APOBEC3G: variants seen among roughly 807,000 people sequenced by gnomAD.
APOBEC3G encodes the protein DNA dC->dU-editing enzyme APOBEC-3G.
A neutral mutation model predicts 50.0 loss-of-function variants in APOBEC3G; 44 were observed. The observed-to-expected ratio is 0.88, with a 90% CI of 0.69 to 1.13. The LOEUF is 1.13. Ranked by LOEUF, APOBEC3G falls within the 50% of genes most tolerant of loss-of-function variation. The probability of loss-of-function intolerance (pLI) is 0.00; values close to 1 mark genes in which losing one functional copy is unlikely to be tolerated. For missense variants in APOBEC3G, 469 were observed against 492.0 expected (o/e 0.95, Z 0.44); for synonymous variants, 156 against 175.3 (o/e 0.89, Z 0.87).
intron 4 of APOBEC3G, 93 bp from the exon 5 acceptor site, chr22:39,083,638 G>T: frequency 1.4e-6 from 2 of 1,441,518 alleles, no homozygotes; most frequent in Admixed American, 1.8e-5. Context: ...AGGAAGGAGG[G>T]TGGGGTGCAA....
intron 1 of APOBEC3G, chr22:39,078,577 G>C (rs1928273915): frequency 5.0e-6 from 1 of 200,386 alleles, no homozygotes; most frequent in African/African-American, 2.4e-5. Context: ...GCAGCACTTA[G>C]AAGACTGGCC....
At chr22:39,081,654 C>T (rs1429528683) in intron 4 of APOBEC3G, 69 bp downstream of exon 4, 4 of 1,308,214 alleles carry the variant, frequency 3.1e-6, no homozygotes, top group South Asian at 2.5e-5. Flanking sequence ...GAGGCCTCCC[C>T]TCTGTTCCAG....
intron 1 of APOBEC3G, 151 bp downstream of exon 1, chr22:39,077,529 G>C (rs1249756395): frequency 1.3e-5 from 19 of 1,410,168 alleles, no homozygotes; most frequent in Non-Finnish European, 1.6e-5. Flanking sequence ...TCCCAGCCAG[G>C]CTCCTTGCCC....
Position 39,080,939 on chromosome 22 carries a change from T to TC in APOBEC3G, c.180dup (p.Glu61ArgfsTer3). Reference sequence around the variant, plus strand: ...GACCCTGCTCCTCTCCCAGGTGTATTCCGAACTTAAGTACCACCCAGAGAT... The same window carrying TC: ...GACCCTGCTCCTCTCCCAGGTGTATTCCCGAACTTAAGTACCACCCAGAGAT... On this transcript the variant is annotated frameshift_variant, in exon 3 of 8. Coordinates refer to ENST00000407997, the MANE Select transcript of APOBEC3G (RefSeq NM_021822.4). LOFTEE classifies it high-confidence loss of function. 1 of 1,613,170 alleles carries TC rather than the reference T, an allele frequency of 6.2e-7. No homozygotes were observed. The highest frequency in any genetic ancestry group is 1.1e-5 in the South Asian group (1 of 91,022).
chr22:39,085,047 A>G (rs1300437587), intron 5 of APOBEC3G, among the ~76,000 whole-genome samples: 1 of 152,198 alleles, frequency 6.6e-6, no homozygotes, highest in Admixed American at 6.5e-5. Context: ...GGACTCCCCC[A>G]GGAATGACCC....
At chr22:39,082,034 C>T (rs1180219625) in intron 4 of APOBEC3G, 1 of 163,988 alleles carries the variant, frequency 6.1e-6, no homozygotes, top group Non-Finnish European at 1.3e-5. Flanking sequence ...GAGCTTCAGG[C>T]TTCGGCTGCC....
intron 7 of APOBEC3G, 114 bp from the exon 8 acceptor site, chr22:39,087,293 A>C (rs1601526504): frequency 1.9e-6 from 3 of 1,591,088 alleles, no homozygotes; most frequent in Admixed American, 1.7e-5. Context: ...TTTCTCTCCC[A>C]CCTCCCACAT....
chr22:39,080,781 C>A (rs949249110), intron 2 of APOBEC3G, 152 bp from the exon 3 acceptor site: 1 of 713,616 alleles, frequency 1.4e-6, no homozygotes, highest in African/African-American at 1.8e-5. Context: ...TTGGAGCAGA[C>A]AAACACTCAA....
chr22:39,084,247 G>A (rs1317842842), intron 5 of APOBEC3G, among the ~76,000 whole-genome samples: 2 of 152,164 alleles, frequency 1.3e-5, no homozygotes, highest in African/African-American at 2.4e-5. Context: ...AAGCGCTTCC[G>A]GCCGGGCACG....
In APOBEC3G at chr22:39,081,596, C is replaced by A; in HGVS notation, c.581+11C>A. The A allele has an allele frequency of 1.2e-6, 2 of 1,605,036 alleles. No homozygotes were observed. Among genetic ancestry groups the A allele is most frequent in the Non-Finnish European group, 1.7e-6 (2 of 1,172,334 alleles). ...GGGGGAGATTCTCAGGTGAGGGTCT[C>A]CCTCCAGGCTCATCGCCTCGCTCCT... On this transcript the variant is annotated intron_variant, in intron 4 of 7. Coordinates refer to ENST00000407997, the MANE Select transcript of APOBEC3G (RefSeq NM_021822.4).
rs1928278291 is a variant in APOBEC3G at position 39,078,668 on chromosome 22, A to G, written c.18-264A>G. 2.0e-5 allele frequency: 9 copies of G among 440,554 alleles called. No individual in the cohort carries two copies. The Admixed American group carries it at 3.5e-4, about 17-fold the overall frequency. 27.3% of individuals were successfully genotyped at this position (440,554 alleles called of 1,614,324 possible). On this transcript the variant is annotated intron_variant, in intron 1 of 7. Transcript: ENST00000407997. ...AATGTCAGGAAGGAACTGAGCTGAA[A>G]GGTTAAAAGCTGTTATTTTGGGGTG...
intron 4 of APOBEC3G, chr22:39,082,155 G>C (rs1182841282): frequency 6.5e-6 from 1 of 154,894 alleles, no homozygotes; most frequent in Non-Finnish European, 1.4e-5. Flanking sequence ...TTCTGCAGTC[G>C]CTCCTCCTGG....
chr22:39,083,942 G>T, intron 5 of APOBEC3G, 58 bp downstream of exon 5: 1 of 1,582,832 alleles, frequency 6.3e-7, no homozygotes, highest in South Asian at 1.2e-5. Flanking sequence ...GGACACCCAT[G>T]GGCAGAAGGT....
chr22:39,081,408 G>A, intron 3 of APOBEC3G, 63 bp from the exon 4 acceptor site: 1 of 1,555,914 alleles, frequency 6.4e-7, no homozygotes, highest in East Asian at 2.2e-5. Context: ...GGGAGGGGAG[G>A]GTCCCGAGGT....
At chr22:39,080,857 C>CA in intron 2 of APOBEC3G, 76 bp from the exon 3 acceptor site, 1 of 1,264,260 alleles carries the variant, frequency 7.9e-7, no homozygotes, top group Non-Finnish European at 1.1e-6. Flanking sequence ...GTCCTGGCCC[C>CA]TCCTCCCCCT....
At position 39,087,392 on chromosome 22, in the gene APOBEC3G, T is replaced by C. The variant is rs763399550; in HGVS notation, c.1141-15T>C. ...CGCTCACCCTTTGCTCCATTCAACC[T>C]CCCTGCTCTTCCAGAATCAGGAAAA... On this transcript the variant is annotated splice_polypyrimidine_tract_variant and intron_variant, in intron 7 of 7. Coordinates refer to ENST00000407997, the MANE Select transcript of APOBEC3G (RefSeq NM_021822.4). 7.4e-6 allele frequency: 12 copies of C among 1,613,848 alleles called. No individual in the cohort carries two copies. The highest frequency in any genetic ancestry group is 2.2e-5 in the East Asian group (1 of 44,864).
rs1351191857 is a variant in APOBEC3G at position 39,086,488 on chromosome 22, T to G, written c.945T>G (p.Tyr315Ter). The change falls in exon 6 of 8, where the codon TAT (tyrosine) becomes TAG (stop). Residue 315 changes from tyrosine to a stop codon, truncating the protein, a stop_gained. Transcript: ENST00000407997. LOFTEE classifies it high-confidence loss of function. Reference protein sequence around the residue: ...VSLCIFTARIYDDQGRCQEGL... With the variant: ...VSLCIFTARI ...TGTGCATCTTCACTGCCCGCATCTATGATGATCAAGGAAGATGTCAGGAGG... is the reference window on the plus strand; with the variant it reads ...TGTGCATCTTCACTGCCCGCATCTAGGATGATCAAGGAAGATGTCAGGAGG... 49 of 1,613,956 alleles carry G rather than the reference T, an allele frequency of 3.0e-5. No homozygotes were observed. The highest frequency in any genetic ancestry group is 4.1e-5 in the Non-Finnish European group (48 of 1,180,014).
intron 1 of APOBEC3G, chr22:39,078,720 C>CTT: frequency 1.8e-6 from 1 of 564,092 alleles, no homozygotes; most frequent in Non-Finnish European, 3.0e-6. Context: ...CTCTCTCTCT[C>CTT]TTTTTTTTTG....
chr22:39,083,356 T>G (rs529973763), intron 4 of APOBEC3G: 3 of 166,026 alleles, frequency 1.8e-5, no homozygotes, highest in African/African-American at 4.8e-5. Context: ...GGTGCCCCAG[T>G]GGGTCCACCT....
Sources: allele counts gnomAD v4.1 joint callset (sites outside exome capture counted in the v4.1 genomes callset), GRCh38; gene constraint gnomAD v4.1.1; transcripts MANE v1.5; gene names NCBI Gene and HGNC (gene_info 2026-07-23, HGNC 2026-07-21).